Variants in MAP3K10 observed in about 807,000 individuals in gnomAD.
The protein encoded by MAP3K10 is MKN28 derived nonreceptor_type serine/threonine kinase.
In MAP3K10, 22 loss-of-function variants were observed where a neutral mutation model predicts 75.0. That is an observed-to-expected ratio of 0.29 (90% CI 0.21 to 0.42). The LOEUF (loss-of-function observed/expected upper bound fraction) is 0.42. Among genes scored for constraint, MAP3K10 ranks in the 10% least tolerant of loss-of-function variants. The pLI is 1.00. For synonymous variants in MAP3K10, 599 were observed against 612.9 expected (o/e 0.98, Z 0.34); for missense variants, 1,165 against 1,379.8 (o/e 0.84, Z 2.47).
In MAP3K10 at chr19:40,215,388, A is replaced by G. The variant is rs1714821909; in HGVS notation, c.*96A>G. 1 of 1,121,378 alleles carries G rather than the reference A, an allele frequency of 8.9e-7. No individual in the cohort carries two copies. 69.5% of individuals were successfully genotyped at this position (1,121,378 alleles called of 1,614,324 possible). On this transcript the variant is annotated 3_prime_UTR_variant, in exon 10 of 10. Transcript: ENST00000253055. The stretch of plus-strand genomic sequence containing the variant: ...CCACAAGGTGGGGGAGGCCCTGGGC[A>G]GGATGTTCACTCTATTTATTGGGGA...
rs143436047 is a variant in MAP3K10 at position 40,206,897 on chromosome 19, C to T, written c.1435+740C>T. Among the ~76,000 whole-genome samples, 44 of 152,202 alleles carry T rather than the reference C, an allele frequency of 2.9e-4. No individual in the cohort carries two copies. In the East Asian group the frequency reaches 7.9e-3, roughly 27 times the overall value. On this transcript the variant is annotated intron_variant, in intron 5 of 9. Coordinates refer to ENST00000253055, the MANE Select transcript of MAP3K10 (RefSeq NM_002446.4). Reference sequence around the variant, plus strand: ...TCACTTGAGGCTAGGAGTTCTAGAGCAGCCTGGCTCTAGAACATGGTGAAA... The same window carrying T: ...TCACTTGAGGCTAGGAGTTCTAGAGTAGCCTGGCTCTAGAACATGGTGAAA...
chr19:40,215,076 T>C lies in MAP3K10; in HGVS notation c.2649T>C (p.Phe883=). 1.9e-6 allele frequency: 3 copies of C among 1,610,604 alleles called. No individual in the cohort carries two copies. The highest frequency in any genetic ancestry group is 2.5e-6 in the Non-Finnish European group (3 of 1,178,832). The change falls in exon 10 of 10, where the codon TTT becomes TTC. Residue 883 remains phenylalanine, a synonymous_variant. Coordinates refer to ENST00000253055, the MANE Select transcript of MAP3K10 (RefSeq NM_002446.4). Reference sequence around the variant, plus strand: ...CAGGCCGCCCCACCACCCTGACCTTTGCCCCGAGACCTCGGCCGGCTGCCA... The same window carrying C: ...CAGGCCGCCCCACCACCCTGACCTTCGCCCCGAGACCTCGGCCGGCTGCCA... ...EFPGRPTTLT[F]APRPRPAASR... is the part of the protein sequence containing the mutation.
In MAP3K10 at chr19:40,214,062, G is replaced by C. The variant is rs763388485; in HGVS notation, c.2383G>C (p.Val795Leu). 6 of 1,545,776 alleles carry C rather than the reference G, an allele frequency of 3.9e-6. No individual in the cohort carries two copies. In the South Asian group the frequency reaches 4.7e-5, roughly 12 times the overall value. The change falls in exon 9 of 10, where the codon GTG becomes CTG. Residue 795 changes from valine to leucine, a missense_variant. Coordinates refer to ENST00000253055, the MANE Select transcript of MAP3K10 (RefSeq NM_002446.4). ...PTPSPSTNPL[V>L]DLELESFKKD... ...GCCCTCGCCCAGCACCAACCCCCTGGTGGACCTGGAGCTGGAGAGCTTCAA... is the reference window on the plus strand; with the variant it reads ...GCCCTCGCCCAGCACCAACCCCCTGCTGGACCTGGAGCTGGAGAGCTTCAA...
Position 40,198,571 on chromosome 19 carries a change from G to A in MAP3K10, c.863+16G>A. On this transcript the variant is annotated intron_variant, in intron 2 of 9. Coordinates refer to ENST00000253055, the MANE Select transcript of MAP3K10 (RefSeq NM_002446.4). The surrounding 1 kb of genome is among the most constrained non-coding windows in gnomAD (Gnocchi z 4.3). ...ATGTCTGGAGGTGCTGAAAGGCGCG[G>A]CCGGGATGGCCTCTGGGGAGTAAGG... 1.3e-6 allele frequency: 2 copies of A among 1,598,454 alleles called. No homozygotes were observed. The highest frequency in any genetic ancestry group is 2.2e-5 in the East Asian group (1 of 44,458).
chr19:40,215,143 C>T lies in MAP3K10; in HGVS notation c.2716C>T (p.Arg906Trp), dbSNP rs1281419468. The T allele has an allele frequency of 1.4e-5, 23 of 1,609,690 alleles. No individual in the cohort carries two copies. The highest frequency in any genetic ancestry group is 2.2e-5 in the South Asian group (2 of 90,604). Residue 906 changes from arginine (R) to tryptophan (W), a missense_variant, in exon 10 of 10, where the codon CGG becomes TGG. Arg to Trp is a moderately radical substitution (Grantham distance 101). This residue lies in a region of MAP3K10 where 590 missense variants were observed against 586.6 expected (regional missense o/e 1.01). Transcript: ENST00000253055. ...CCCCTGGAAACTGGTCTCCTTCGGC[C>T]GGACACTCACCATCTCGCCTCCCAG... is the stretch of plus-strand genomic sequence containing the variant. ...LDPWKLVSFG[R>W]TLTISPPSRP...
rs1310735841 is a variant in MAP3K10, at chr19:40,213,577, C to T, written c.1898C>T (p.Pro633Leu). The change falls in exon 9 of 10, where the codon CCG becomes CTG. Residue 633 changes from proline (P) to leucine (L), a missense_variant. By Grantham distance (98) the Pro-to-Leu change is moderately conservative (BLOSUM62 -3). Transcript: ENST00000253055. This position sits in a 1 kb window ranked among gnomAD's most constrained non-coding sequence, Gnocchi z 5.7. ...GTGCCCCCTTCCCCCTACTCGACCC[C>T]GTCCTACCTCTCAGTGCCACTGCCT... is the stretch of plus-strand genomic sequence containing the variant. ...SSVPPSPYSTPSYLSVPLPAE... is the reference protein window; with the variant it reads ...SSVPPSPYSTLSYLSVPLPAE... 2 of 1,608,924 alleles carry T rather than the reference C, an allele frequency of 1.2e-6. No individual in the cohort carries two copies. Among genetic ancestry groups the T allele is most frequent in the Non-Finnish European group, 1.7e-6 (2 of 1,178,188 alleles).
At position 40,192,835 on chromosome 19, in the gene MAP3K10, T is replaced by A; in HGVS notation, c.682+122T>A. On this transcript the variant is annotated intron_variant, in intron 1 of 9. Transcript: ENST00000253055. This position sits in a 1 kb window ranked among gnomAD's most constrained non-coding sequence, Gnocchi z 7.1. The stretch of plus-strand genomic sequence containing the variant: ...TGCCTGGAGTGAGAAGGGGCAGCAG[T>A]ATGATACCTTCAGGGTGAAGGTGAG... 1.3e-6 allele frequency: 1 copy of A among 770,216 alleles called. No individual in the cohort carries two copies. The highest frequency in any genetic ancestry group is 1.8e-5 in the African/African-American group (1 of 56,578). The allele number at this position is 770,216 out of a possible 1,614,324, so 47.7% of individuals were successfully genotyped here.
rs1396735860 is a variant in MAP3K10, at chr19:40,191,782, G to A, written c.-250G>A. On this transcript the variant is annotated 5_prime_UTR_variant, in exon 1 of 10. Coordinates refer to ENST00000253055, the MANE Select transcript of MAP3K10 (RefSeq NM_002446.4). ...CCTCTTAGCCCTCTGCCGTTTGGGG[G>A]GCACGGGTGAACCTGCCGCCCCACT... The A allele has an allele frequency of 5.2e-6, 2 of 383,102 alleles. No individual in the cohort carries two copies. Among genetic ancestry groups the A allele is most frequent in the African/African-American group, 2.1e-5 (1 of 47,484 alleles). 23.7% of individuals were successfully genotyped at this position (383,102 alleles called of 1,614,324 possible).
rs75018626 is a variant in MAP3K10 at position 40,200,512 on chromosome 19, T to C, written c.863+1957T>C. Among the ~76,000 whole-genome samples, 1,037 of 151,548 alleles carry C rather than the reference T, an allele frequency of 6.8e-3. 13 individuals are homozygous for C. Among genetic ancestry groups the C allele is most frequent in the African/African-American group, 0.024 (980 of 41,308 alleles). Reference sequence around the variant, plus strand: ...AGCAGCAAATTAATGGGTATGGGACTGAGACAGATCAGACAGGAAGTCTCC... The same window carrying C: ...AGCAGCAAATTAATGGGTATGGGACCGAGACAGATCAGACAGGAAGTCTCC... On this transcript the variant is annotated intron_variant, in intron 2 of 9. Coordinates refer to ENST00000253055, the MANE Select transcript of MAP3K10 (RefSeq NM_002446.4).
At chr19:40,208,363 T>TTTTTTTTTTTTTTTTTA (rs1555756664) in intron 5 of MAP3K10, among the ~76,000 whole-genome samples, 2 of 111,892 alleles carry the variant, frequency 1.8e-5, no homozygotes, top group Admixed American at 9.4e-5. Context: ...TTTTTTTTTT[T>TTTTTTTTTTTTTTTTTA]TTTTTTGTAT....
At position 40,213,305 on chromosome 19, in the gene MAP3K10, G is replaced by C; in HGVS notation, c.1837+117G>C. 1 of 1,451,442 alleles carries C rather than the reference G, an allele frequency of 6.9e-7. No homozygotes were observed. Among genetic ancestry groups the C allele is most frequent in the East Asian group, 2.5e-5 (1 of 39,962 alleles). The allele number at this position is 1,451,442 out of a possible 1,614,324, so 89.9% of individuals were successfully genotyped here. A position where few individuals can be genotyped will look rare whatever the true frequency, so the allele number is the denominator to read the frequency against. On this transcript the variant is annotated intron_variant, in intron 8 of 9. Coordinates refer to ENST00000253055, the MANE Select transcript of MAP3K10 (RefSeq NM_002446.4). The surrounding 1 kb of genome is among the most constrained non-coding windows in gnomAD (Gnocchi z 5.7). The stretch of plus-strand genomic sequence containing the variant: ...GCCAGTGAGTGGAAGGCCTTCCTGG[G>C]AAGGGAGATGGTGGCCCCTGGGGCG...
Position 40,214,141 on chromosome 19 carries a change from T to C in MAP3K10, c.2462T>C (p.Val821Ala), listed in dbSNP as rs370764537. The change falls in exon 9 of 10, where the codon GTG becomes GCG. Residue 821 changes from valine (V) to alanine (A), a missense_variant. By Grantham distance (64) the Val-to-Ala change is moderately conservative. This residue lies in a region of MAP3K10 where 590 missense variants were observed against 586.6 expected (regional missense o/e 1.01). Coordinates refer to ENST00000253055, the MANE Select transcript of MAP3K10 (RefSeq NM_002446.4). ...TPTHVTAACA[V>A]SRGHRRTPSD... ...ACCCACGTCACGGCTGCATGCGCTG[T>C]GAGCCGCGGGCACCGGCGGACGCCA... 69 of 1,546,792 alleles carry C rather than the reference T, an allele frequency of 4.5e-5. No homozygotes were observed. The African/African-American group carries it at 6.5e-4, about 15-fold the overall frequency.
Position 40,215,242 on chromosome 19 carries a change from C to A in MAP3K10, c.2815C>A (p.Gln939Lys). 1 of 1,559,488 alleles carries A rather than the reference C, an allele frequency of 6.4e-7. No individual in the cohort carries two copies. Among genetic ancestry groups the A allele is most frequent in the Non-Finnish European group, 8.7e-7 (1 of 1,152,426 alleles). The change falls in exon 10 of 10, where the codon CAG becomes AAG. Residue 939 changes from glutamine (Q) to lysine (K), a missense_variant. Physicochemically the swap from Gln to Lys is moderately conservative, Grantham distance 53. Transcript: ENST00000253055. ...ACTGCTGGACATGGACATGGAGGGG[C>A]AGAACCAAGACAGCACAGTGCCCCT... ...PTLLDMDMEG[Q>K]NQDSTVPLCG... is the part of the protein sequence containing the mutation.
intron 5 of MAP3K10, chr19:40,206,452 TATAGTCCAAGCTAGTGG>T (rs1973125516): frequency 3.9e-6 from 1 of 253,284 alleles, no homozygotes; most frequent in Non-Finnish European, 7.4e-6. Flanking sequence ...GGCATGCACT[TATAGTCCAAGCTAGTGG>T]GGAGGCTGAG....
chr19:40,207,763 C>T (rs531361883), intron 5 of MAP3K10, among the ~76,000 whole-genome samples: 2 of 152,222 alleles, frequency 1.3e-5, no homozygotes, highest in East Asian at 3.9e-4. Context: ...TTTAATTTAG[C>T]CCAATATATC....
Position 40,198,405 on chromosome 19 carries a change from A to G in MAP3K10, c.713A>G (p.Asn238Ser), listed in dbSNP as rs148776549. 53 of 1,613,746 alleles carry G rather than the reference A, an allele frequency of 3.3e-5. No individual in the cohort carries two copies. Among genetic ancestry groups the G allele is most frequent in the Non-Finnish European group, 4.1e-5 (48 of 1,179,980 alleles). ...ILILEAIENH[N>S]LADTVLKITD... Reference sequence around the variant, plus strand: ...ATCCTGGAGGCCATCGAGAACCACAACCTCGCAGACACGGTGCTCAAGATC... The same window carrying G: ...ATCCTGGAGGCCATCGAGAACCACAGCCTCGCAGACACGGTGCTCAAGATC... Residue 238 changes from asparagine (N) to serine (S), a missense_variant, in exon 2 of 10, where the codon AAC (asparagine) becomes AGC (serine). By Grantham distance (46) the Asn-to-Ser change is conservative. This residue lies in a region of MAP3K10 where 575 missense variants were observed against 793.2 expected (regional missense o/e 0.72). Coordinates refer to ENST00000253055, the MANE Select transcript of MAP3K10 (RefSeq NM_002446.4). The surrounding 1 kb of genome is among the most constrained non-coding windows in gnomAD (Gnocchi z 4.3).
intron 6 of MAP3K10, among the ~76,000 whole-genome samples, chr19:40,209,648 C>G (rs187921176): frequency 6.6e-6 from 1 of 152,076 alleles, no homozygotes; most frequent in Non-Finnish European, 1.5e-5. Flanking sequence ...CTCCTGACCT[C>G]AAGTGATCCA....
Position 40,192,271 on chromosome 19 carries a change from C to CCCCGCTGCA in MAP3K10, c.246_254dup (p.Ala83_Ala85dup), listed in dbSNP as rs1972832418. The CCCCGCTGCA allele has an allele frequency of 3.1e-6, 5 of 1,602,172 alleles. No homozygotes were observed. Among genetic ancestry groups the CCCCGCTGCA allele is most frequent in the African/African-American group, 1.3e-5 (1 of 74,766 alleles). On this transcript the variant is annotated inframe_insertion, in exon 1 of 10. Transcript: ENST00000253055. The surrounding 1 kb of genome is among the most constrained non-coding windows in gnomAD (Gnocchi z 7.1). ...CCAGCAACTACGTGGCCCCCGGCGC[C>CCCCGCTGCA]CCCGCTGCACCCGCGGGCCTCCAGC...
At chr19:40,209,516 G>A (rs1305660244) in intron 6 of MAP3K10, among the ~76,000 whole-genome samples, 4 of 151,416 alleles carry the variant, frequency 2.6e-5, no homozygotes, top group Non-Finnish European at 5.9e-5. Context: ...GGGTTCCAGC[G>A]ATTCTCCTGC....
Sources: gnomAD v4.1 joint callset for allele counts (sites outside exome capture counted in the v4.1 genomes callset) on GRCh38, gnomAD v4.1.1 for gene constraint, gnomAD v4.1.1 regional missense constraint, Gnocchi (gnomAD v3.1) non-coding constraint, MANE v1.5 for transcripts, NCBI Gene and HGNC (gene_info 2026-07-23, HGNC 2026-07-21) for gene names.